Variants in MAP3K3 observed in about 807,000 individuals in gnomAD.
The protein encoded by MAP3K3 is MAP/ERK kinase kinase 3.
A neutral mutation model predicts 80.9 loss-of-function variants in MAP3K3; 12 were observed. The observed-to-expected ratio is 0.15, with a 90% CI of 0.10 to 0.24. The LOEUF (loss-of-function observed/expected upper bound fraction) is 0.24. MAP3K3 is among the 10% of genes least tolerant of loss of function. MAP3K3 has a pLI of 1.00. For missense variants in MAP3K3, 596 were observed against 834.7 expected (o/e 0.71, Z 3.52); for synonymous variants, 272 against 307.1 (o/e 0.89, Z 1.19).
At chr17:63,640,391 C>T (rs1293016929) in intron 2 of MAP3K3, among the ~76,000 whole-genome samples, 1 of 152,098 alleles carries the variant, frequency 6.6e-6, no homozygotes, top group East Asian at 1.9e-4. Context: ...GGGAAAAAAC[C>T]TCAAGAGTGT....
chr17:63,664,588 C>T (rs1360067815), intron 5 of MAP3K3, among the ~76,000 whole-genome samples: 1 of 152,168 alleles, frequency 6.6e-6, no homozygotes, highest in East Asian at 1.9e-4. Context: ...TCCTATCTTC[C>T]AGTCACTGAA....
intron 3 of MAP3K3, 32 bp downstream of exon 3, chr17:63,646,106 C>G (rs750905700): frequency 6.2e-7 from 1 of 1,604,516 alleles, no homozygotes; most frequent in Admixed American, 1.7e-5. Flanking sequence ...TAGCTGTGTT[C>G]ATGTATGCCA....
intron 1 of MAP3K3, among the ~76,000 whole-genome samples, chr17:63,631,851 G>T (rs2143171097): frequency 6.6e-6 from 1 of 152,286 alleles, no homozygotes; most frequent in East Asian, 1.9e-4. Context: ...AGTTGTGGGG[G>T]TTGCTGGTGG....
At chr17:63,634,943 C>T (rs2034292662) in intron 2 of MAP3K3, 1 of 714,022 alleles carries the variant, frequency 1.4e-6, no homozygotes, top group South Asian at 1.6e-5. Flanking sequence ...GTGTTCAGTG[C>T]TTCTAGTCAC....
chr17:63,632,893 C>G lies in MAP3K3; in HGVS notation c.126+91C>G, dbSNP rs1246155968. On this transcript the variant is annotated intron_variant, in intron 2 of 15. Transcript: ENST00000361733. ...CGAAAAGCCAAGGAGACTACATTAC[C>G]AGGGTTGAATGCTTTTGACCCCTTC... is the stretch of plus-strand genomic sequence containing the variant. 4 of 1,536,930 alleles carry G rather than the reference C, an allele frequency of 2.6e-6. No homozygotes were observed. In the African/African-American group the frequency reaches 5.5e-5, roughly 21 times the overall value.
In MAP3K3 at chr17:63,691,469, G is replaced by T. The variant is rs2035589746; in HGVS notation, c.1344+236G>T. Among the ~76,000 whole-genome samples the T allele has an allele frequency of 6.6e-6, 1 of 152,136 alleles. No individual in the cohort carries two copies. On this transcript the variant is annotated intron_variant, in intron 13 of 15. Coordinates refer to ENST00000361733, the MANE Select transcript of MAP3K3 (RefSeq NM_002401.5). This position sits in a 1 kb window ranked among gnomAD's most constrained non-coding sequence, Gnocchi z 4.8. ...GTCCAGCACTCCCCTGAGGCATGCA[G>T]GGCTGGCCCACTGTCCAGTAAATGC...
At chr17:63,623,193 T>G (rs2034029684) in intron 1 of MAP3K3, among the ~76,000 whole-genome samples, 1 of 152,100 alleles carries the variant, frequency 6.6e-6, no homozygotes, top group Non-Finnish European at 1.5e-5. Flanking sequence ...TTTTTTTTCC[T>G]GCCTGTGTCA....
At chr17:63,624,515 A>G (rs1011404656) in intron 1 of MAP3K3, among the ~76,000 whole-genome samples, 2 of 152,224 alleles carry the variant, frequency 1.3e-5, no homozygotes, top group East Asian at 1.9e-4. Flanking sequence ...CAAAAAGTTT[A>G]TAAGTGTGTG....
At position 63,634,746 on chromosome 17, in the gene MAP3K3, G is replaced by A. The variant is rs1325937725; in HGVS notation, c.126+1944G>A. The A allele has an allele frequency of 6.2e-7, 1 of 1,614,074 alleles. No individual in the cohort carries two copies. The highest frequency in any genetic ancestry group is 1.7e-5 in the Admixed American group (1 of 59,984). On this transcript the variant is annotated intron_variant, in intron 2 of 15. Coordinates refer to ENST00000361733, the MANE Select transcript of MAP3K3 (RefSeq NM_002401.5). ...AGCAGCAGCTCAGCCCTTCTGAACAGCCCCACAGTAACAACAAGCTCATGT... is the reference window on the plus strand; with the variant it reads ...AGCAGCAGCTCAGCCCTTCTGAACAACCCCACAGTAACAACAAGCTCATGT...
chr17:63,627,980 A>C (rs894766186), intron 1 of MAP3K3, among the ~76,000 whole-genome samples: 6 of 150,404 alleles, frequency 4.0e-5, no homozygotes, highest in Non-Finnish European at 7.4e-5. Context: ...GTCTTGGCTC[A>C]CTGCAACCTC....
intron 1 of MAP3K3, among the ~76,000 whole-genome samples, chr17:63,625,733 A>T (rs1402355471): frequency 6.6e-6 from 1 of 152,190 alleles, no homozygotes; most frequent in Non-Finnish European, 1.5e-5. Context: ...TGGCTATGTC[A>T]TTACTAGATT....
At chr17:63,652,530 C>G (rs1568132767) in intron 3 of MAP3K3, 27 bp from the exon 4 acceptor site, 3 of 1,519,984 alleles carry the variant, frequency 2.0e-6, no homozygotes, top group African/African-American at 1.4e-5. Flanking sequence ...ATACAATTAA[C>G]CAACCTTTCT....
intron 2 of MAP3K3, among the ~76,000 whole-genome samples, chr17:63,643,547 A>G (rs925579097): frequency 6.6e-6 from 1 of 152,154 alleles, no homozygotes; most frequent in East Asian, 1.9e-4. Context: ...GAAACTGTAC[A>G]AAGGGGAGAA....
intron 3 of MAP3K3, among the ~76,000 whole-genome samples, chr17:63,646,447 G>T (rs1456183777): frequency 1.3e-5 from 2 of 152,178 alleles, no homozygotes; most frequent in Non-Finnish European, 2.9e-5. Flanking sequence ...CTGTGATATG[G>T]TGCCATTACT....
chr17:63,680,026 A>G (rs2035298461), intron 6 of MAP3K3, among the ~76,000 whole-genome samples: 1 of 152,160 alleles, frequency 6.6e-6, no homozygotes, highest in South Asian at 2.1e-4. Context: ...CTCTGAAACA[A>G]AACAAAACAA....
intron 4 of MAP3K3, among the ~76,000 whole-genome samples, chr17:63,657,023 G>A (rs1420999856): frequency 6.6e-6 from 1 of 152,178 alleles, no homozygotes; most frequent in Non-Finnish European, 1.5e-5. Context: ...TCTAGTCACT[G>A]ACTTTGCCCT....
Position 63,629,163 on chromosome 17 carries a change from G to A in MAP3K3, c.5-3518G>A, listed in dbSNP as rs928689635. On this transcript the variant is annotated intron_variant, in intron 1 of 15. Coordinates refer to ENST00000361733, the MANE Select transcript of MAP3K3 (RefSeq NM_002401.5). ...TTTTGAGATGGAGTCTCGCCCTGTC[G>A]CCATGCTGGAGTTCAGTAGCGCTAT... Among the ~76,000 whole-genome samples, 4 of 151,374 alleles carry A rather than the reference G, an allele frequency of 2.6e-5. No homozygotes were observed. In the South Asian group the frequency reaches 6.3e-4, roughly 24 times the overall value.
chr17:63,680,515 C>T (rs1402668527), intron 6 of MAP3K3, among the ~76,000 whole-genome samples: 1 of 152,152 alleles, frequency 6.6e-6, no homozygotes, highest in African/African-American at 2.4e-5. Flanking sequence ...CTTTTGGCCT[C>T]ATTTTTGTCT....
At chr17:63,685,728 A>G (rs1335157917) in intron 8 of MAP3K3, 138 bp downstream of exon 8, 1 of 679,742 alleles carries the variant, frequency 1.5e-6, no homozygotes, top group Non-Finnish European at 2.7e-6. Context: ...AATTTCCCCA[A>G]CACCACGAGA....
Sources: gnomAD v4.1 joint callset for allele counts (sites outside exome capture counted in the v4.1 genomes callset) on GRCh38, gnomAD v4.1.1 for gene constraint, Gnocchi (gnomAD v3.1) non-coding constraint, MANE v1.5 for transcripts, NCBI Gene and HGNC (gene_info 2026-07-23, HGNC 2026-07-21) for gene names.